PPP2R2C: variants seen among roughly 807,000 people sequenced by gnomAD.
The protein encoded by PPP2R2C is protein phosphatase 2 regulatory subunit Bgamma, also known as protein phosphatase 2, regulatory subunit B, gamma.
In PPP2R2C, 10 loss-of-function variants were observed where a neutral mutation model predicts 45.3. That is an observed-to-expected ratio of 0.22 (90% CI 0.14 to 0.37). The LOEUF (loss-of-function observed/expected upper bound fraction) is 0.37. PPP2R2C is among the 10% of genes least tolerant of loss of function. The pLI is 1.00. For missense variants in PPP2R2C, 308 were observed against 619.7 expected (o/e 0.50, Z 5.34); for synonymous variants, 257 against 245.4 (o/e 1.05, Z -0.44).
At chr4:6,461,595 C>T (rs529309262) in intron 1 of PPP2R2C, among the ~76,000 whole-genome samples, 76 of 152,284 alleles carry the variant, frequency 5.0e-4, no homozygotes, top group South Asian at 3.7e-3. Flanking sequence ...TCTGGAGCCC[C>T]GCATCACTCT....
chr4:6,560,151 C>A (rs1478213743), intron 1 of PPP2R2C, among the ~76,000 whole-genome samples: 2 of 152,132 alleles, frequency 1.3e-5, no homozygotes, highest in African/African-American at 4.8e-5. Context: ...GCAGGGGTGC[C>A]CCAGGGCAGG....
intron 2 of PPP2R2C, among the ~76,000 whole-genome samples, chr4:6,528,524 T>A (rs1407608028): frequency 3.3e-5 from 2 of 61,498 alleles, no homozygotes; most frequent in Non-Finnish European, 5.9e-5. Flanking sequence ...GACCCTGGCG[T>A]CTGAGAGCCA....
chr4:6,496,397 G>A (rs563206332), intron 2 of PPP2R2C, among the ~76,000 whole-genome samples: 1 of 152,310 alleles, frequency 6.6e-6, no homozygotes, highest in African/African-American at 2.4e-5. Context: ...TGAAATGGAC[G>A]CAACAGAGGC....
At chr4:6,492,447 C>G (rs73796223) in intron 2 of PPP2R2C, among the ~76,000 whole-genome samples, 4,250 of 152,282 alleles carry the variant, frequency 0.028, 75 homozygotes, top group African/African-American at 0.057. Flanking sequence ...AGTGCTCTGG[C>G]GTCTTTCTGC....
At position 6,468,257 on chromosome 4, in the gene PPP2R2C, C is replaced by T. The variant is rs187353722; in HGVS notation, c.70+3903G>A. ...ACCAGTTCAAAACCTGCAGACAATT[C>T]CATGCAGGAAAACCTGCCTGCCTGC... On this transcript the variant is annotated intron_variant, in intron 1 of 8. Coordinates refer to ENST00000382599, the MANE Select transcript of PPP2R2C (RefSeq NM_020416.4). Among the ~76,000 whole-genome samples the T allele has an allele frequency of 2.9e-4, 44 of 152,302 alleles. 1 individual carries two copies. The East Asian group carries it at 7.9e-3, about 27-fold the overall frequency.
Position 6,337,934 on chromosome 4 carries a change from G to A in PPP2R2C, c.791-4203C>T, listed in dbSNP as rs79781218. 9.9e-5 allele frequency among the ~76,000 whole-genome samples: 15 copies of A among 152,072 alleles called. No homozygotes were observed. In the East Asian group the frequency reaches 1.7e-3, roughly 18 times the overall value. ...AAAGTTCCTCTTTTTCTTTTTAGAC[G>A]TTTCTATGAAATTTTTGATACAATA... On this transcript the variant is annotated intron_variant, in intron 6 of 8. Transcript: ENST00000382599.
intron 1 of PPP2R2C, among the ~76,000 whole-genome samples, chr4:6,560,489 A>T (rs1725539518): frequency 6.6e-6 from 1 of 152,186 alleles, no homozygotes; most frequent in South Asian, 2.1e-4. Context: ...CAGATCACTT[A>T]ATCTCTCTGT....
chr4:6,479,738 T>C (rs1200666730), intron 2 of PPP2R2C, among the ~76,000 whole-genome samples: 1 of 152,114 alleles, frequency 6.6e-6, no homozygotes, highest in African/African-American at 2.4e-5. Context: ...CAGACCTTTT[T>C]TTTTTTGTAT....
rs1035743480 is a variant in PPP2R2C, at chr4:6,332,154, T to G, written c.960+1408A>C. Among the ~76,000 whole-genome samples the G allele has an allele frequency of 6.6e-6, 1 of 152,170 alleles. No homozygotes were observed. Among genetic ancestry groups the G allele is most frequent in the Non-Finnish European group, 1.5e-5 (1 of 68,026 alleles). Reference sequence around the variant, plus strand: ...GTTTCAGGGGTTCATGGGCCTTTGCTGACCTCAGGGATGGAGGTAAGTGAC... The same window carrying G: ...GTTTCAGGGGTTCATGGGCCTTTGCGGACCTCAGGGATGGAGGTAAGTGAC... On this transcript the variant is annotated intron_variant, in intron 7 of 8. Transcript: ENST00000382599. This position sits in a 1 kb window ranked among gnomAD's most constrained non-coding sequence, Gnocchi z 4.9.
chr4:6,353,929 G>A (rs1292055328), intron 5 of PPP2R2C, among the ~76,000 whole-genome samples: 4 of 15,676 alleles, frequency 2.6e-4, no homozygotes, highest in African/African-American at 7.5e-4. Context: ...CCCCCACACC[G>A]ACAGCCCCCC....
chr4:6,457,672 C>A lies in PPP2R2C; in HGVS notation c.70+14488G>T, dbSNP rs188910860. Among the ~76,000 whole-genome samples the A allele has an allele frequency of 6.6e-4, 101 of 152,238 alleles. 1 individual carries two copies. Among genetic ancestry groups the A allele is most frequent in the Non-Finnish European group, 1.2e-3 (82 of 68,020 alleles). On this transcript the variant is annotated intron_variant, in intron 1 of 8. Coordinates refer to ENST00000382599, the MANE Select transcript of PPP2R2C (RefSeq NM_020416.4). The stretch of plus-strand genomic sequence containing the variant: ...TACAGGTGTGAGCCACAATGCCCAA[C>A]CGGGAAAGTTTTTTTAAAATAGTAC...
chr4:6,466,891 A>G (rs1721625903), intron 1 of PPP2R2C, among the ~76,000 whole-genome samples: 1 of 152,230 alleles, frequency 6.6e-6, no homozygotes, highest in Admixed American at 6.5e-5. Flanking sequence ...AGAAAGGAGC[A>G]CATTGCTTAC....
chr4:6,414,265 C>T (rs1019811524), intron 1 of PPP2R2C, among the ~76,000 whole-genome samples: 5 of 152,076 alleles, frequency 3.3e-5, no homozygotes, highest in Admixed American at 1.3e-4. Context: ...TGGATTTATT[C>T]GGCAGCACCC....
At chr4:6,442,057 C>G (rs776335340) in intron 1 of PPP2R2C, among the ~76,000 whole-genome samples, 4 of 152,196 alleles carry the variant, frequency 2.6e-5, no homozygotes, top group Non-Finnish European at 4.4e-5. Context: ...GGGAAGGCAG[C>G]CAGCAGAGAG....
At chr4:6,464,228 T>G (rs1288485111) in intron 1 of PPP2R2C, among the ~76,000 whole-genome samples, 1 of 152,232 alleles carries the variant, frequency 6.6e-6, no homozygotes, top group Non-Finnish European at 1.5e-5. Flanking sequence ...ATCATAATAA[T>G]GGCTATTGTG....
Position 6,348,768 on chromosome 4 carries a change from G to T in PPP2R2C, c.626-758C>A, listed in dbSNP as rs556705600. The T allele has an allele frequency of 5.2e-5, 47 of 901,136 alleles. No individual in the cohort carries two copies. The South Asian group carries it at 2.2e-3, about 43-fold the overall frequency. The allele number at this position is 901,136 out of a possible 1,614,324, so 55.8% of individuals were successfully genotyped here. A position where few individuals can be genotyped will look rare whatever the true frequency, so the allele number is the denominator to read the frequency against. Reference sequence around the variant, plus strand: ...GGAGCTTGAGGGTGGGGCAGACAGTGGAAAGAGTGCAGAGAAAGATCTGGT... The same window carrying T: ...GGAGCTTGAGGGTGGGGCAGACAGTTGAAAGAGTGCAGAGAAAGATCTGGT... On this transcript the variant is annotated intron_variant, in intron 5 of 8. Transcript: ENST00000382599.
At chr4:6,542,699 T>C (rs370254507) in intron 1 of PPP2R2C, among the ~76,000 whole-genome samples, 3 of 4,026 alleles carry the variant, frequency 7.5e-4, no homozygotes, top group Admixed American at 6.1e-3. Flanking sequence ...CAAGACTCTG[T>C]CTCAAAAAAA....
At chr4:6,550,629 AG>A (rs1052701381) in intron 1 of PPP2R2C, among the ~76,000 whole-genome samples, 3 of 152,136 alleles carry the variant, frequency 2.0e-5, no homozygotes, top group African/African-American at 7.2e-5. Context: ...AGAGCATCTT[AG>A]GGGGACACTC....
chr4:6,511,166 A>G (rs1348735624), intron 2 of PPP2R2C, among the ~76,000 whole-genome samples: 1 of 152,200 alleles, frequency 6.6e-6, no homozygotes, highest in Non-Finnish European at 1.5e-5. Flanking sequence ...TGAGTGTTAC[A>G]TGAGAAAAAC....
Sources: gnomAD v4.1 joint callset for allele counts (sites outside exome capture counted in the v4.1 genomes callset) on GRCh38, gnomAD v4.1.1 for gene constraint, Gnocchi (gnomAD v3.1) non-coding constraint, MANE v1.5 for transcripts, NCBI Gene and HGNC (gene_info 2026-07-23, HGNC 2026-07-21) for gene names.